Variants in DOCK2 observed in about 807,000 individuals in gnomAD.
DOCK2 encodes dedicator of cytokinesis 2, also known as dedicator of cytokinesis protein 2.
Under a neutral mutation model 248.9 loss-of-function variants are expected in DOCK2, and 87 were observed. That is an observed-to-expected ratio of 0.35 (90% CI 0.29 to 0.42). The LOEUF is 0.42. Ranked by LOEUF, DOCK2 falls within the 10% of genes least tolerant of loss-of-function variation. The pLI, the probability that DOCK2 is intolerant of heterozygous loss-of-function variation, is 1.00. For synonymous variants in DOCK2, 805 were observed against 821.6 expected (o/e 0.98, Z 0.35); for missense variants, 1,747 against 2,300.2 (o/e 0.76, Z 4.92).
At chr5:170,080,782 C>G in intron 50 of DOCK2, 1 of 156,242 alleles carries the variant, frequency 6.4e-6, no homozygotes, top group Non-Finnish European at 1.4e-5. Flanking sequence ...AGAGCACAGC[C>G]GATGGTCCTA....
At chr5:169,667,613 A>G (rs904996833) in intron 2 of DOCK2, among the ~76,000 whole-genome samples, 31 of 152,192 alleles carry the variant, frequency 2.0e-4, no homozygotes, top group African/African-American at 7.0e-4. Context: ...TTGAGTGTAA[A>G]TCTCAGCTGC....
At chr5:169,903,314 A>G (rs1463080758) in intron 27 of DOCK2, among the ~76,000 whole-genome samples, 2 of 146,086 alleles carry the variant, frequency 1.4e-5, no homozygotes, top group Non-Finnish European at 3.0e-5. Context: ...ACAACAATAA[A>G]AAAAAAAAAA....
rs147042346 is a variant in DOCK2 at position 169,718,494 on chromosome 5, TA to T, written c.2133-160del. 7.3e-3 allele frequency among the ~76,000 whole-genome samples: 1,107 copies of T among 152,318 alleles called. 16 individuals are homozygous for T. The highest frequency in any genetic ancestry group is 0.025 in the African/African-American group (1,050 of 41,568). ...GGAAATACTTATTAATTCCCTGTAA[TA>T]AATATAATTTTTATGCAGAGTTATC... On this transcript the variant is annotated intron_variant, in intron 21 of 51. Coordinates refer to ENST00000520908, the MANE Select transcript of DOCK2 (RefSeq NM_004946.3).
chr5:169,935,657 T>C (rs1456892536), intron 27 of DOCK2, among the ~76,000 whole-genome samples: 1 of 152,218 alleles, frequency 6.6e-6, no homozygotes, highest in Non-Finnish European at 1.5e-5. Context: ...TGATGAACGT[T>C]GCCGATGCGG....
intron 22 of DOCK2, among the ~76,000 whole-genome samples, chr5:169,731,385 CTG>C (rs1940995508): frequency 6.6e-6 from 1 of 152,148 alleles, no homozygotes; most frequent in Non-Finnish European, 1.5e-5. Flanking sequence ...GTTTTAAAAA[CTG>C]TAGTTTTCCT....
At chr5:170,080,345 G>T (rs1757985429) in intron 50 of DOCK2, 62 bp downstream of exon 50, 1 of 1,599,898 alleles carries the variant, frequency 6.3e-7, no homozygotes, top group East Asian at 2.2e-5. Context: ...CAGCCTTGTG[G>T]GTGGAGGATG....
chr5:169,901,753 C>T (rs1160240476), intron 27 of DOCK2, among the ~76,000 whole-genome samples: 1 of 152,200 alleles, frequency 6.6e-6, no homozygotes, highest in African/African-American at 2.4e-5. Context: ...CATTTTGAGA[C>T]ACCTAGAATG....
intron 48 of DOCK2, among the ~76,000 whole-genome samples, chr5:170,078,637 A>T (rs779996596): frequency 6.6e-6 from 1 of 152,190 alleles, no homozygotes; most frequent in Non-Finnish European, 1.5e-5. Flanking sequence ...ACCCAAAGTT[A>T]TTCATTCAGC....
intron 36 of DOCK2, among the ~76,000 whole-genome samples, chr5:170,038,655 C>T (rs1208192853): frequency 2.0e-5 from 3 of 152,146 alleles, no homozygotes; most frequent in Admixed American, 1.3e-4. Flanking sequence ...TGCTACTCCC[C>T]GTCCACCTCG....
intron 26 of DOCK2, among the ~76,000 whole-genome samples, chr5:169,829,952 G>C (rs1450438517): frequency 6.6e-6 from 1 of 152,142 alleles, no homozygotes; most frequent in East Asian, 1.9e-4. Context: ...GGTCCCTTGG[G>C]CAAGACATAT....
chr5:170,017,803 C>T (rs2113820298), intron 32 of DOCK2, among the ~76,000 whole-genome samples: 1 of 152,310 alleles, frequency 6.6e-6, no homozygotes, highest in African/African-American at 2.4e-5. Flanking sequence ...GAGTTGGTGC[C>T]CTTAACCACT....
intron 24 of DOCK2, 48 bp downstream of exon 24, chr5:169,759,823 A>T (rs1185839254): frequency 1.9e-6 from 3 of 1,609,522 alleles, no homozygotes; most frequent in Admixed American, 3.3e-5. Flanking sequence ...CAAGCTAGGG[A>T]TTCAGAGTGG....
chr5:169,694,226 A>C (rs1803549450), intron 9 of DOCK2, among the ~76,000 whole-genome samples: 1 of 152,230 alleles, frequency 6.6e-6, no homozygotes, highest in African/African-American at 2.4e-5. Flanking sequence ...GCTTATTCCC[A>C]GTGCATATGC....
intron 41 of DOCK2, among the ~76,000 whole-genome samples, chr5:170,050,884 ACT>A (rs1337738188): frequency 3.3e-5 from 5 of 152,076 alleles, no homozygotes; most frequent in African/African-American, 1.2e-4. Context: ...TCAAGCCCTG[ACT>A]CTATGCTAAG....
At chr5:169,677,133 G>A (rs1013201884) in intron 6 of DOCK2, among the ~76,000 whole-genome samples, 1 of 152,144 alleles carries the variant, frequency 6.6e-6, no homozygotes, top group Non-Finnish European at 1.5e-5. Flanking sequence ...TAAGGTTAAG[G>A]AAACAACAGC....
At chr5:169,813,837 G>A (rs1767900830) in intron 26 of DOCK2, among the ~76,000 whole-genome samples, 1 of 152,180 alleles carries the variant, frequency 6.6e-6, no homozygotes, top group South Asian at 2.1e-4. Flanking sequence ...AGTAGGTGAG[G>A]GGTGGGGACA....
chr5:169,987,229 T>C (rs975267403), intron 29 of DOCK2, among the ~76,000 whole-genome samples: 3 of 152,218 alleles, frequency 2.0e-5, no homozygotes, highest in Non-Finnish European at 2.9e-5. Flanking sequence ...TGAAAAGGCT[T>C]CTTTTCCTAT....
At chr5:169,944,797 C>T (rs986565075) in intron 27 of DOCK2, among the ~76,000 whole-genome samples, 17 of 152,212 alleles carry the variant, frequency 1.1e-4, no homozygotes, top group African/African-American at 3.1e-4. Flanking sequence ...CTGTGATGAT[C>T]GGAAAGCTGA....
intron 6 of DOCK2, among the ~76,000 whole-genome samples, chr5:169,675,287 G>A (rs571290409): frequency 1.3e-5 from 2 of 152,262 alleles, no homozygotes; most frequent in South Asian, 2.1e-4. Context: ...TACTTGGATA[G>A]CATTTGAGAA....
Sources: allele counts gnomAD v4.1 joint callset (sites outside exome capture counted in the v4.1 genomes callset), GRCh38; gene constraint gnomAD v4.1.1; transcripts MANE v1.5; gene names NCBI Gene and HGNC (gene_info 2026-07-23, HGNC 2026-07-21).